The following EXOSC5 variants were observed in gnomAD, a reference collection of about 807,000 sequenced individuals.
EXOSC5 encodes the protein exosome complex component RRP46.
Under a neutral mutation model 23.7 loss-of-function variants are expected in EXOSC5, and 15 were observed. The observed-to-expected ratio is 0.63, with a 90% confidence interval of 0.42 to 0.97. The LOEUF (loss-of-function observed/expected upper bound fraction) is 0.97, where lower values mean the gene tolerates loss of function less well. Ranked by LOEUF, EXOSC5 falls within the 50% of genes least tolerant of loss-of-function variation. The pLI is 0.00. For missense variants in EXOSC5, 305 were observed against 316.3 expected, an observed-to-expected ratio of 0.96 and a Z score of 0.27; for synonymous variants, 143 against 140.9, an observed-to-expected ratio of 1.02 and a Z score of -0.11.
At chr19:41,396,494 G>C (rs1281713799) in intron 1 of EXOSC5, among the ~76,000 whole-genome samples, 1 of 152,146 alleles carries the variant, frequency 6.6e-6, no homozygotes, top group Non-Finnish European at 1.5e-5. Flanking sequence ...ACAGGCGTGA[G>C]CCACCGCCCC....
rs555039705 is a variant in EXOSC5 at position 41,396,913 on chromosome 19, C to T, written c.148+268G>A. 3.9e-5 allele frequency among the ~76,000 whole-genome samples: 6 copies of T among 152,022 alleles called. No homozygotes were observed. The East Asian group carries it at 1.2e-3, about 29-fold the overall frequency. ...TATTTACCCTGGCGAGGTGATTTTC[C>T]CTATTCTGAAATATCAATTCTTGGG... On this transcript the variant is annotated intron_variant, in intron 1 of 5. Coordinates refer to ENST00000221233, the MANE Select transcript of EXOSC5 (RefSeq NM_020158.4).
In EXOSC5 at chr19:41,386,822, T is replaced by A. The variant is rs867734815; in HGVS notation, c.616-97A>T. 8.2e-5 allele frequency: 86 copies of A among 1,051,356 alleles called. No homozygotes were observed. In the Middle Eastern group the frequency reaches 3.3e-3, roughly 40 times the overall value. 65.1% of individuals were successfully genotyped at this position (1,051,356 alleles called of 1,614,324 possible). A position where few individuals can be genotyped will look rare whatever the true frequency, so the allele number is the denominator to read the frequency against. On this transcript the variant is annotated intron_variant, in intron 5 of 5. Coordinates refer to ENST00000221233, the MANE Select transcript of EXOSC5 (RefSeq NM_020158.4). ...GTTCTGCTGACCCCACCTGACTCCC[T>A]TAACCTCCCATCACTCCCCTGCCCC...
chr19:41,395,669 G>C (rs2039056678), intron 1 of EXOSC5, among the ~76,000 whole-genome samples: 1 of 152,104 alleles, frequency 6.6e-6, no homozygotes, highest in Non-Finnish European at 1.5e-5. Context: ...CCATCTCCTG[G>C]TTTCCCCCTA....
At chr19:41,395,265 G>A (rs1431442541) in intron 1 of EXOSC5, among the ~76,000 whole-genome samples, 1 of 152,276 alleles carries the variant, frequency 6.6e-6, no homozygotes, top group African/African-American at 2.4e-5. Flanking sequence ...CGGAAGGTAT[G>A]CTTAGTTCCA....
Position 41,389,678 on chromosome 19 carries a change from G to T in EXOSC5, c.525+87C>A. The T allele has an allele frequency of 2.0e-6, 3 of 1,517,874 alleles. No homozygotes were observed. In the South Asian group the frequency reaches 3.9e-5, roughly 20 times the overall value. The allele number at this position is 1,517,874 out of a possible 1,614,324, so 94.0% of individuals were successfully genotyped here. A position where few individuals can be genotyped will look rare whatever the true frequency, so the allele number is the denominator to read the frequency against. On this transcript the variant is annotated intron_variant, in intron 4 of 5. Coordinates refer to ENST00000221233, the MANE Select transcript of EXOSC5 (RefSeq NM_020158.4). The stretch of plus-strand genomic sequence containing the variant: ...AAGTGGGATTGAGGTGGCATGAGCC[G>T]ACTGTCTGTAGAGAAGCGAGGCCTG...
At chr19:41,393,678 G>A (rs1385469521) in intron 1 of EXOSC5, among the ~76,000 whole-genome samples, 1 of 151,974 alleles carries the variant, frequency 6.6e-6, no homozygotes, top group Non-Finnish European at 1.5e-5. Context: ...TCCTGCCTCA[G>A]CCTACTGAGT....
chr19:41,391,083 A>T (rs1263711499), intron 3 of EXOSC5, among the ~76,000 whole-genome samples: 1 of 152,042 alleles, frequency 6.6e-6, no homozygotes, highest in Non-Finnish European at 1.5e-5. Flanking sequence ...AGTGATTGCC[A>T]GCCGGGCACA....
chr19:41,397,046 G>T, intron 1 of EXOSC5, 135 bp downstream of exon 1: 2 of 965,008 alleles, frequency 2.1e-6, no homozygotes, highest in Non-Finnish European at 3.1e-6. Flanking sequence ...GTATTTAGTA[G>T]TATTCAATCG....
At chr19:41,388,049 G>A (rs1193304709) in intron 4 of EXOSC5, among the ~76,000 whole-genome samples, 2 of 152,160 alleles carry the variant, frequency 1.3e-5, no homozygotes, top group East Asian at 1.9e-4. Flanking sequence ...ATAGCCAGGC[G>A]CTCACCTATC....
At chr19:41,391,581 C>A (rs574804931) in intron 3 of EXOSC5, 20 of 412,932 alleles carry the variant, frequency 4.8e-5, no homozygotes, top group Middle Eastern at 6.1e-4. Context: ...ACTAGACGGT[C>A]TGGGTCTAAG....
At chr19:41,393,581 A>C (rs1330101912) in intron 1 of EXOSC5, among the ~76,000 whole-genome samples, 1 of 136,664 alleles carries the variant, frequency 7.3e-6, no homozygotes, top group Non-Finnish European at 1.5e-5. Context: ...TTTTAATGAG[A>C]TGGAGTCTTG....
chr19:41,391,612 C>T (rs2039022889), intron 3 of EXOSC5: 2 of 478,816 alleles, frequency 4.2e-6, no homozygotes, highest in Admixed American at 4.4e-5. Flanking sequence ...GCCACTTCCA[C>T]GGGGATCATA....
At chr19:41,390,615 C>T (rs192742156) in intron 3 of EXOSC5, among the ~76,000 whole-genome samples, 4 of 152,340 alleles carry the variant, frequency 2.6e-5, no homozygotes, top group Non-Finnish European at 5.9e-5. Flanking sequence ...AGCCACTCCC[C>T]GGTGACAGAG....
intron 4 of EXOSC5, 58 bp downstream of exon 4, chr19:41,389,707 G>A (rs2039008630): frequency 6.3e-7 from 1 of 1,576,264 alleles, no homozygotes; most frequent in East Asian, 2.3e-5. Flanking sequence ...AGGCCTGGAG[G>A]AAGGGACGGG....
chr19:41,389,652 T>C, intron 4 of EXOSC5, 113 bp downstream of exon 4: 1 of 1,433,432 alleles, frequency 7.0e-7, no homozygotes, highest in Non-Finnish European at 9.4e-7. Flanking sequence ...CAGCCCTTGC[T>C]AAGTGGGATT....
chr19:41,397,181 C>T lies in EXOSC5; in HGVS notation c.148G>A (p.Gly50Ser), dbSNP rs866339702. 1.2e-6 allele frequency: 2 copies of T among 1,613,762 alleles called. No individual in the cohort carries two copies. The highest frequency in any genetic ancestry group is 1.7e-6 in the Non-Finnish European group (2 of 1,179,686). Residue 50 changes from glycine (G) to serine (S), a missense_variant and splice_region_variant, in exon 1 of 6, where the codon GGT becomes AGT. Coordinates refer to ENST00000221233, the MANE Select transcript of EXOSC5 (RefSeq NM_020158.4). ...AGAAAGACCTGGGTGAAGTTCTTAC[C>T]TTGCAGGAAGGAAGCAGAGCCATCT... ...RPDGSASFLQ[G>S]DTSVLAGVYG...
At chr19:41,396,979 A>C (rs1481062255) in intron 1 of EXOSC5, among the ~76,000 whole-genome samples, 2 of 152,146 alleles carry the variant, frequency 1.3e-5, no homozygotes, top group Admixed American at 6.6e-5. Context: ...AGATAGTTAC[A>C]AAGATGGAAC....
Position 41,395,082 on chromosome 19 carries a change from T to G in EXOSC5, c.148+2099A>C, listed in dbSNP as rs1183344576. On this transcript the variant is annotated intron_variant, in intron 1 of 5. Coordinates refer to ENST00000221233, the MANE Select transcript of EXOSC5 (RefSeq NM_020158.4). ...AAAAGAACTCCTGACCTCAGAGGCC[T>G]CCCAAAGTGCTGGGATTACCGCTGT... is the stretch of plus-strand genomic sequence containing the variant. Among the ~76,000 whole-genome samples, 3 of 148,616 alleles carry G rather than the reference T, an allele frequency of 2.0e-5. No individual in the cohort carries two copies. The East Asian group carries it at 6.0e-4, about 30-fold the overall frequency.
At chr19:41,395,734 C>T (rs2039057184) in intron 1 of EXOSC5, among the ~76,000 whole-genome samples, 1 of 152,164 alleles carries the variant, frequency 6.6e-6, no homozygotes, top group South Asian at 2.1e-4. Flanking sequence ...ATGTCTCTGA[C>T]TGCTCAAGTT....
Sources: allele counts gnomAD v4.1 joint callset (sites outside exome capture counted in the v4.1 genomes callset), GRCh38; gene constraint gnomAD v4.1.1; transcripts MANE v1.5; gene names NCBI Gene and HGNC (gene_info 2026-07-23, HGNC 2026-07-21).